Variants in MAST4 observed in about 807,000 individuals in gnomAD.
MAST4 encodes the protein microtubule associated serine/threonine kinase family member 4, also known as microtubule-associated serine/threonine-protein kinase 4.
MAST4 carries 89 observed loss-of-function variants against 162.7 expected under a neutral mutation model. The observed-to-expected ratio is 0.55, with a 90% CI of 0.46 to 0.65. The LOEUF is 0.65. Ranked by LOEUF, MAST4 falls within the 30% of genes least tolerant of loss-of-function variation. The probability of loss-of-function intolerance (pLI) is 0.00; values close to 1 mark genes in which losing one functional copy is unlikely to be tolerated. For missense variants in MAST4, 3,153 were observed against 3,374.0 expected, an observed-to-expected ratio of 0.93 and a Z score of 1.62; for synonymous variants, 1,479 against 1,361.1, an observed-to-expected ratio of 1.09 and a Z score of -1.91.
At chr5:66,920,033 G>A (rs1031405637) in intron 4 of MAST4, among the ~76,000 whole-genome samples, 7 of 151,184 alleles carry the variant, frequency 4.6e-5, no homozygotes, top group East Asian at 1.9e-4. Context: ...AATGATGTGT[G>A]GAAGTTGAGC....
intron 4 of MAST4, among the ~76,000 whole-genome samples, chr5:66,907,389 G>A (rs1580834718): frequency 6.6e-6 from 1 of 152,284 alleles, no homozygotes; most frequent in Non-Finnish European, 1.5e-5. Flanking sequence ...CTTCATCCAG[G>A]ATCAGCAGTT....
intron 1 of MAST4, among the ~76,000 whole-genome samples, chr5:66,695,020 TA>T (rs553448073): frequency 3.1e-4 from 47 of 152,352 alleles, no homozygotes; most frequent in African/African-American, 1.1e-3. Context: ...CTCTTTAGTT[TA>T]ATTAGGTCCC....
chr5:66,832,704 G>A (rs1561363817), intron 3 of MAST4, among the ~76,000 whole-genome samples: 1 of 152,064 alleles, frequency 6.6e-6, no homozygotes, highest in Non-Finnish European at 1.5e-5. Context: ...TTCAATAGTA[G>A]GATCATTACA....
At chr5:67,162,355 A>T (rs1773281001) in intron 27 of MAST4, among the ~76,000 whole-genome samples, 1 of 152,138 alleles carries the variant, frequency 6.6e-6, no homozygotes, top group Admixed American at 6.5e-5. Flanking sequence ...TGCATTTTAT[A>T]TTTTTCCTAT....
At chr5:66,847,509 C>A (rs1432044806) in intron 3 of MAST4, among the ~76,000 whole-genome samples, 3 of 152,236 alleles carry the variant, frequency 2.0e-5, no homozygotes, top group African/African-American at 7.2e-5. Flanking sequence ...TAGTGGACGC[C>A]TGTAATTCCA....
intron 4 of MAST4, chr5:66,959,115 G>GCCTCCC (rs1745672417): frequency 1.5e-6 from 1 of 681,406 alleles, no homozygotes; most frequent in African/African-American, 1.8e-5. Flanking sequence ...CAAACTTGCA[G>GCCTCCC]CCTCCCCCTC....
Position 67,133,557 on chromosome 5 carries a change from G to A in MAST4, c.2137G>A (p.Gly713Arg). 6.2e-7 allele frequency: 1 copy of A among 1,613,430 alleles called. No homozygotes were observed. Among genetic ancestry groups the A allele is most frequent in the Non-Finnish European group, 8.5e-7 (1 of 1,179,468 alleles). ...SMGHIKLTDF[G>R]LSKVGLMSMT... is the part of the protein sequence containing the mutation. ...GGGGCACATAAAGCTGACAGATTTT[G>A]GATTATCTAAGGTGGGACTAATGAG... The change falls in exon 17 of 29, where the codon GGA (glycine) becomes AGA (arginine). Residue 713 changes from glycine to arginine, a missense_variant. By Grantham distance (125) the Gly-to-Arg change is moderately radical. Around this residue, in one of 7 missense-constraint regions of MAST4, gnomAD observed 131 missense variants for 253.8 expected, o/e 0.52. Transcript: ENST00000403625.
chr5:66,640,309 C>CT (rs770087325), intron 1 of MAST4, among the ~76,000 whole-genome samples: 13,497 of 139,772 alleles, frequency 0.097, 878 homozygotes, highest in African/African-American at 0.17. Flanking sequence ...CAATTTGTTT[C>CT]TTTTTTTTTT....
intron 3 of MAST4, among the ~76,000 whole-genome samples, chr5:66,878,048 C>T (rs912292390): frequency 2.0e-5 from 3 of 152,196 alleles, no homozygotes; most frequent in Non-Finnish European, 4.4e-5. Context: ...GTGGAAAAAT[C>T]TCTCAATGAA....
At chr5:66,946,611 G>T (rs1744056672) in intron 4 of MAST4, among the ~76,000 whole-genome samples, 1 of 152,132 alleles carries the variant, frequency 6.6e-6, no homozygotes, top group Non-Finnish European at 1.5e-5. Flanking sequence ...GTGCCTGAAA[G>T]GTTGTCATGG....
chr5:66,715,831 A>G (rs1191026323), intron 1 of MAST4, among the ~76,000 whole-genome samples: 1 of 151,728 alleles, frequency 6.6e-6, no homozygotes, highest in African/African-American at 2.4e-5. Context: ...AAATTATCCT[A>G]TCCATCTCAT....
intron 5 of MAST4, among the ~76,000 whole-genome samples, chr5:67,072,860 G>C (rs1468849701): frequency 1.3e-5 from 2 of 152,044 alleles, no homozygotes; most frequent in Non-Finnish European, 2.9e-5. Context: ...AGACTTGAAA[G>C]GGATTGCTAT....
At chr5:66,938,812 C>T (rs950586274) in intron 4 of MAST4, among the ~76,000 whole-genome samples, 2 of 152,094 alleles carry the variant, frequency 1.3e-5, no homozygotes, top group African/African-American at 4.8e-5. Context: ...TGTGGACCTT[C>T]AAAAACCCAC....
At chr5:67,161,761 A>T (rs1195248797) in intron 27 of MAST4, among the ~76,000 whole-genome samples, 5 of 152,224 alleles carry the variant, frequency 3.3e-5, no homozygotes, top group African/African-American at 1.2e-4. Context: ...TTAAAATTAC[A>T]CACACATAAG....
intron 1 of MAST4, among the ~76,000 whole-genome samples, chr5:66,725,810 C>T (rs1751479733): frequency 6.6e-6 from 1 of 152,108 alleles, no homozygotes; most frequent in Non-Finnish European, 1.5e-5. Context: ...GCAGGAGGCA[C>T]TATGATATGT....
chr5:67,060,038 A>G (rs1238530727), intron 5 of MAST4, among the ~76,000 whole-genome samples: 1 of 152,206 alleles, frequency 6.6e-6, no homozygotes, highest in African/African-American at 2.4e-5. Context: ...CTTAACAAAT[A>G]AAACTCAGCT....
intron 12 of MAST4, among the ~76,000 whole-genome samples, chr5:67,117,712 G>A (rs1436516279): frequency 6.6e-6 from 1 of 151,922 alleles, no homozygotes; most frequent in Non-Finnish European, 1.5e-5. Flanking sequence ...ACCTATCATA[G>A]ATTTAGAGAA....
chr5:66,987,083 A>T (rs1399613635), intron 4 of MAST4, among the ~76,000 whole-genome samples: 1 of 152,208 alleles, frequency 6.6e-6, no homozygotes, highest in Non-Finnish European at 1.5e-5. Context: ...CTGAAAGAAT[A>T]AATGTTTTTC....
At chr5:67,023,428 A>G (rs1284755178) in intron 4 of MAST4, among the ~76,000 whole-genome samples, 1 of 152,162 alleles carries the variant, frequency 6.6e-6, no homozygotes, top group African/African-American at 2.4e-5. Context: ...GCACATGATC[A>G]TACGTTGGTC....
Sources: gnomAD v4.1 joint callset for allele counts (sites outside exome capture counted in the v4.1 genomes callset) on GRCh38, gnomAD v4.1.1 for gene constraint, gnomAD v4.1.1 regional missense constraint, MANE v1.5 for transcripts, NCBI Gene and HGNC (gene_info 2026-07-23, HGNC 2026-07-21) for gene names.